JMJD1C: variants seen among roughly 807,000 people sequenced by gnomAD.
JMJD1C encodes the protein jumonji domain-containing protein 1C.
In JMJD1C, 31 loss-of-function variants were observed where a neutral mutation model predicts 245.3. The ratio of observed to expected loss-of-function variants is 0.13; its 90% CI spans 0.09 to 0.17. The LOEUF (loss-of-function observed/expected upper bound fraction) is 0.17, where lower values mean the gene tolerates loss of function less well. Ranked by LOEUF, JMJD1C falls within the 10% of genes least tolerant of loss-of-function variation. JMJD1C has a pLI of 1.00. For missense variants in JMJD1C, 2,691 were observed against 3,000.2 expected, an observed-to-expected ratio of 0.90 and a Z score of 2.41; for synonymous variants, 1,057 against 1,017.4, an observed-to-expected ratio of 1.04 and a Z score of -0.74.
chr10:63,409,317 A>G (rs1420424860), intron 1 of JMJD1C, among the ~76,000 whole-genome samples: 3 of 152,208 alleles, frequency 2.0e-5, no homozygotes, highest in Non-Finnish European at 4.4e-5. Context: ...TCAACCAATC[A>G]AGGTTTATTA....
At chr10:63,378,720 T>C (rs957665437) in intron 2 of JMJD1C, among the ~76,000 whole-genome samples, 11 of 152,240 alleles carry the variant, frequency 7.2e-5, no homozygotes, top group African/African-American at 1.7e-4. Flanking sequence ...AAAATTCACC[T>C]ATACATCTAA....
chr10:63,421,778 G>A (rs1158353126), intron 1 of JMJD1C, among the ~76,000 whole-genome samples: 1 of 152,088 alleles, frequency 6.6e-6, no homozygotes, highest in Non-Finnish European at 1.5e-5. Context: ...CTTCCTCTTT[G>A]CTTCTCTTAC....
chr10:63,408,337 A>C (rs1320765803), intron 1 of JMJD1C, among the ~76,000 whole-genome samples: 1 of 152,034 alleles, frequency 6.6e-6, no homozygotes, highest in Non-Finnish European at 1.5e-5. Flanking sequence ...TGGGAGGCGA[A>C]GGTTGCAGTA....
chr10:63,330,255 T>G (rs915919466), intron 2 of JMJD1C, among the ~76,000 whole-genome samples: 6 of 152,200 alleles, frequency 3.9e-5, no homozygotes, highest in Non-Finnish European at 5.9e-5. Flanking sequence ...GTAGGTTAAG[T>G]GTACTAAATG....
In JMJD1C at chr10:63,343,713, T is replaced by C. The variant is rs983399702; in HGVS notation, c.333+36605A>G. On this transcript the variant is annotated intron_variant, in intron 2 of 25. Coordinates refer to ENST00000399262, the MANE Select transcript of JMJD1C (RefSeq NM_032776.3). ...ATCTGGTGACACTGCACAGCCATTA[T>C]AACACTGTACTGCAATTATTTTTAA... Among the ~76,000 whole-genome samples the C allele has an allele frequency of 9.2e-5, 14 of 152,188 alleles. 1 individual carries two copies. The highest frequency in any genetic ancestry group is 3.9e-4 in the Admixed American group (6 of 15,270).
intron 2 of JMJD1C, among the ~76,000 whole-genome samples, chr10:63,283,372 T>C (rs1857621902): frequency 6.6e-6 from 1 of 151,322 alleles, no homozygotes; most frequent in Admixed American, 6.6e-5. Context: ...TGAGCCTTTT[T>C]TTTTTTTTTT....
chr10:63,273,393 T>C (rs965016854), intron 2 of JMJD1C, among the ~76,000 whole-genome samples: 3 of 152,314 alleles, frequency 2.0e-5, no homozygotes. Context: ...CTGGTATTAA[T>C]TGGTCTGGTA....
In JMJD1C at chr10:63,214,481, G is replaced by A; in HGVS notation, c.1686C>T (p.Asp562=). 6.2e-7 allele frequency: 1 copy of A among 1,613,972 alleles called. No individual in the cohort carries two copies. Among genetic ancestry groups the A allele is most frequent in the Non-Finnish European group, 8.5e-7 (1 of 1,180,012 alleles). Residue 562 remains aspartate, a synonymous_variant, in exon 8 of 26, where the codon GAC becomes GAT. Coordinates refer to ENST00000399262, the MANE Select transcript of JMJD1C (RefSeq NM_032776.3). ...TAACTACATCACTGACCCAGCTCTG[G>A]TCAGAATCTTTTTTTGCTGTTTCCA... The part of the protein sequence containing the change: ...KFLETAKKDS[D]QSWVSDVVKV...
At chr10:63,321,172 T>A (rs1285708239) in intron 2 of JMJD1C, among the ~76,000 whole-genome samples, 3 of 152,242 alleles carry the variant, frequency 2.0e-5, no homozygotes, top group Non-Finnish European at 4.4e-5. Flanking sequence ...CCCATGTATC[T>A]TCATCTGGCT....
intron 2 of JMJD1C, among the ~76,000 whole-genome samples, chr10:63,266,383 A>G (rs572032228): frequency 1.4e-5 from 2 of 147,664 alleles, no homozygotes; most frequent in African/African-American, 2.4e-5. Flanking sequence ...AAAATCCTAT[A>G]GGATTTCATA....
chr10:63,424,516 T>TC (rs1338664313), intron 1 of JMJD1C, among the ~76,000 whole-genome samples: 1 of 147,514 alleles, frequency 6.8e-6, no homozygotes, highest in Non-Finnish European at 1.5e-5. Context: ...TTTTTTTTTT[T>TC]TTCTTTTTGA....
At chr10:63,235,876 T>C (rs1850670257) in intron 3 of JMJD1C, among the ~76,000 whole-genome samples, 1 of 152,222 alleles carries the variant, frequency 6.6e-6, no homozygotes, top group Admixed American at 6.5e-5. Context: ...TTATTAGGAA[T>C]ATGGTCACAT....
chr10:63,244,283 A>G (rs892175201), intron 3 of JMJD1C, among the ~76,000 whole-genome samples: 1 of 152,166 alleles, frequency 6.6e-6, no homozygotes, highest in South Asian at 2.1e-4. Context: ...CCACTTTGGG[A>G]CCACTGCAAT....
chr10:63,505,068 T>C (rs1443026539), intron 1 of JMJD1C, among the ~76,000 whole-genome samples: 1 of 152,108 alleles, frequency 6.6e-6, no homozygotes, highest in Non-Finnish European at 1.5e-5. Context: ...ACCCCAGCAC[T>C]TTGGGAGGCC....
At chr10:63,212,564 A>G (rs1004982285) in intron 8 of JMJD1C, among the ~76,000 whole-genome samples, 7 of 152,194 alleles carry the variant, frequency 4.6e-5, no homozygotes, top group African/African-American at 1.7e-4. Context: ...ACCTTTAGCA[A>G]TACTGTGTTA....
chr10:63,196,953 T>C (rs548696561), intron 13 of JMJD1C, among the ~76,000 whole-genome samples: 6 of 152,004 alleles, frequency 3.9e-5, no homozygotes, highest in African/African-American at 1.4e-4. Context: ...CACACCACCA[T>C]GCGCAGCTCA....
intron 1 of JMJD1C, chr10:63,521,697 C>A: frequency 1.6e-6 from 1 of 629,008 alleles, no homozygotes; most frequent in Non-Finnish European, 2.3e-6. Flanking sequence ...AGCCCGGCCT[C>A]GGGCCTGCCG....
At chr10:63,272,481 C>CCT (rs1239810428) in intron 2 of JMJD1C, among the ~76,000 whole-genome samples, 8 of 152,148 alleles carry the variant, frequency 5.3e-5, no homozygotes, top group Admixed American at 5.2e-4. Context: ...AAACTCCTGA[C>CCT]CTCAGGTGAT....
intron 4 of JMJD1C, among the ~76,000 whole-genome samples, 186 bp downstream of exon 4, chr10:63,219,692 C>A (rs544006949): frequency 1.3e-5 from 2 of 152,288 alleles, no homozygotes; most frequent in African/African-American, 4.8e-5. Context: ...AAAGTTAATA[C>A]ACTTGTGAAA....
Sources: gnomAD v4.1 joint callset for allele counts (sites outside exome capture counted in the v4.1 genomes callset) on GRCh38, gnomAD v4.1.1 for gene constraint, MANE v1.5 for transcripts, NCBI Gene and HGNC (gene_info 2026-07-23, HGNC 2026-07-21) for gene names.